The following UMODL1 variants were observed in gnomAD, a reference collection of about 807,000 sequenced individuals.
UMODL1 encodes the protein uromodulin-like 1.
Under a neutral mutation model 136.3 loss-of-function variants are expected in UMODL1, and 128 were observed. That is an observed-to-expected ratio of 0.94 (90% CI 0.81 to 1.09). UMODL1 has a LOEUF of 1.09. Ranked by LOEUF, UMODL1 falls within the 50% of genes least tolerant of loss-of-function variation. UMODL1 has a pLI of 0.00. For synonymous variants in UMODL1, 721 were observed against 720.0 expected (o/e 1.00, Z -0.02); for missense variants, 1,766 against 1,725.6 (o/e 1.02, Z -0.41).
intron 18 of UMODL1, 132 bp downstream of exon 18, chr21:42,126,622 C>A: frequency 1.4e-6 from 2 of 1,398,068 alleles, no homozygotes; most frequent in Non-Finnish European, 1.9e-6. Context: ...TGTGGCCTGG[C>A]TGCTCCCCAA....
intron 21 of UMODL1, among the ~76,000 whole-genome samples, chr21:42,135,130 C>T (rs892461971): frequency 6.6e-6 from 1 of 152,228 alleles, no homozygotes; most frequent in Admixed American, 6.5e-5. Context: ...ATTTAAATTT[C>T]CCCCGCATCG....
chr21:42,116,353 GA>G (rs780549709), intron 14 of UMODL1, among the ~76,000 whole-genome samples: 6,973 of 140,710 alleles, frequency 0.05, 160 homozygotes, highest in Middle Eastern at 0.057. Flanking sequence ...AACCCTGTGG[GA>G]AAAAAAAAAA....
rs370412237 is a variant in UMODL1 at position 42,084,219 on chromosome 21, G to A, written c.455G>A (p.Arg152His). 1.4e-3 allele frequency: 2,198 copies of A among 1,613,554 alleles called. 51 individuals are homozygous for A. The South Asian group carries it at 0.022, about 16-fold the overall frequency. ...LEKCCPWSGG[R>H]YCMAPAPQAP... ...AAGTGCTGCCCCTGGTCAGGGGGGC[G>A]CTACTGCATGGCCCCTGCACCCCAA... Residue 152 changes from arginine to histidine, a missense_variant, in exon 3 of 23, where the codon CGC becomes CAC. By Grantham distance (29) the Arg-to-His change is conservative. Coordinates refer to ENST00000408910, the MANE Select transcript of UMODL1 (RefSeq NM_001004416.3).
chr21:42,124,949 C>T (rs2067032605), intron 17 of UMODL1, among the ~76,000 whole-genome samples: 1 of 152,110 alleles, frequency 6.6e-6, no homozygotes, highest in Non-Finnish European at 1.5e-5. Flanking sequence ...CGGCAGGGTC[C>T]ATGGGAGTTC....
chr21:42,075,121 A>G (rs1448785315), intron 1 of UMODL1, among the ~76,000 whole-genome samples: 3 of 151,902 alleles, frequency 2.0e-5, no homozygotes, highest in Non-Finnish European at 2.9e-5. Flanking sequence ...GGTGGTCTCG[A>G]TCTCCTGACC....
upstream of UMODL1, among the ~76,000 whole-genome samples, chr21:42,069,729 T>C (rs551660241): frequency 2.6e-4 from 39 of 152,220 alleles, no homozygotes; most frequent in Non-Finnish European, 4.7e-4. Context: ...TGATATTTTA[T>C]AGACATTCAT....
chr21:42,088,727 C>T (rs567745760), intron 5 of UMODL1, among the ~76,000 whole-genome samples: 3 of 151,830 alleles, frequency 2.0e-5, no homozygotes, highest in East Asian at 1.9e-4. Flanking sequence ...CCATTTCCCG[C>T]CCCTCTCCTC....
intron 10 of UMODL1, 142 bp downstream of exon 10, chr21:42,109,841 T>G (rs193282723): frequency 7.9e-4 from 739 of 933,412 alleles, no homozygotes; most frequent in Middle Eastern, 3.8e-3. Context: ...TCATTTCAAT[T>G]TATTTTAAAA....
rs372467859 is a variant in UMODL1 at position 42,110,980 on chromosome 21, C to T, written c.1758C>T (p.Phe586=). 5.9e-5 allele frequency: 95 copies of T among 1,613,030 alleles called. No individual in the cohort carries two copies. The African/African-American group carries it at 1.1e-3, about 19-fold the overall frequency. The change falls in exon 11 of 23, where the codon TTC becomes TTT. Residue 586 remains phenylalanine, a synonymous_variant. Transcript: ENST00000408910. ...CAGCAGCCCTCGGCCTAGAGAACTTCACCTTGTCACCCAGTCCTGGGTACC... is the reference window on the plus strand; with the variant it reads ...CAGCAGCCCTCGGCCTAGAGAACTTTACCTTGTCACCCAGTCCTGGGTACC... ...TGTAALGLEN[F]TLSPSPGYPQ...
chr21:42,126,406 TCCA>T lies in UMODL1; in HGVS notation c.3215_3217del (p.His1072del). 1 of 1,614,164 alleles carries T rather than the reference TCCA, an allele frequency of 6.2e-7. No homozygotes were observed. The highest frequency in any genetic ancestry group is 1.3e-5 in the African/African-American group (1 of 75,048). On this transcript the variant is annotated inframe_deletion, in exon 18 of 23. Coordinates refer to ENST00000408910, the MANE Select transcript of UMODL1 (RefSeq NM_001004416.3). ...AACGACCTGTCCCAGGAGGGCATCA[TCCA>T]CCACCTGAAGATCCTGAGCCCCATC... is the stretch of plus-strand genomic sequence containing the variant.
At position 42,127,618 on chromosome 21, in the gene UMODL1, CA is replaced by C. The variant is rs2123367830; in HGVS notation, c.3531-52del. 3 of 1,557,284 alleles carry C rather than the reference CA, an allele frequency of 1.9e-6. No homozygotes were observed. The Admixed American group carries it at 5.9e-5, about 30-fold the overall frequency. ...AGTCGTGAGTAAACTCATCTGAGAA[CA>C]AGGACAGCGGGGCTCGCTGACAAGC... On this transcript the variant is annotated intron_variant, in intron 19 of 22. Coordinates refer to ENST00000408910, the MANE Select transcript of UMODL1 (RefSeq NM_001004416.3).
At chr21:42,129,168 C>A (rs1242915576) in intron 20 of UMODL1, among the ~76,000 whole-genome samples, 1 of 152,142 alleles carries the variant, frequency 6.6e-6, no homozygotes, top group Admixed American at 6.5e-5. Flanking sequence ...ACCCTGATGA[C>A]CTCAGCTTGA....
At position 42,129,717 on chromosome 21, in the gene UMODL1, G is replaced by A. The variant is rs1434510053; in HGVS notation, c.3695G>A (p.Cys1232Tyr). 1.3e-6 allele frequency: 2 copies of A among 1,572,060 alleles called. No homozygotes were observed. The highest frequency in any genetic ancestry group is 1.2e-5 in the South Asian group (1 of 82,294). Residue 1232 changes from cysteine (C) to tyrosine (Y), a missense_variant, in exon 21 of 23, where the codon TGC becomes TAC. By Grantham distance (194) the Cys-to-Tyr change is radical. Transcript: ENST00000408910. The stretch of plus-strand genomic sequence containing the variant: ...TTCTTGGAAAAAAAAAAACAGAATT[G>A]CAATAACTTTCGGTTGCTGCAAAAT... The part of the protein sequence containing the change: ...ESPGATCKIN[C>Y]NNFRLLQNSE...
At chr21:42,067,061 G>A (rs907755643), upstream of UMODL1, among the ~76,000 whole-genome samples, 3 of 149,402 alleles carry the variant, frequency 2.0e-5, no homozygotes, top group African/African-American at 7.4e-5. Context: ...TGCAACCTCC[G>A]CCTCCTGGGT....
chr21:42,126,593 G>T, intron 18 of UMODL1, 103 bp downstream of exon 18: 1 of 1,539,094 alleles, frequency 6.5e-7, no homozygotes. Flanking sequence ...CCTTCCTTGA[G>T]ATGGAATATA....
rs534192435 is a variant in UMODL1, at chr21:42,093,050, G to T, written c.931+2612G>T. ...CCCTCGGGGGCTGCCTTTTGTCCCA[G>T]TGCACTCAGGAAAACCGCCATGCCC... is the stretch of plus-strand genomic sequence containing the variant. On this transcript the variant is annotated intron_variant, in intron 6 of 22. Coordinates refer to ENST00000408910, the MANE Select transcript of UMODL1 (RefSeq NM_001004416.3). 2.0e-5 allele frequency among the ~76,000 whole-genome samples: 3 copies of T among 152,302 alleles called. No homozygotes were observed. The South Asian group carries it at 6.2e-4, about 32-fold the overall frequency.
At chr21:42,126,887 T>C (rs560737206) in intron 18 of UMODL1, 119 bp from the exon 19 acceptor site, 214 of 864,716 alleles carry the variant, frequency 2.5e-4, no homozygotes, top group Admixed American at 1.1e-3. Context: ...GTTGAGGGGG[T>C]CTTCTCGTTC....
In UMODL1 at chr21:42,115,980, AG is replaced by A. The variant is rs935448076; in HGVS notation, c.2472del (p.Met825TrpfsTer38). ...TCGAGATTTCCTAGAACTATTCTTC[AG>A]GATGGTGAGTTGGTGATATCAGCCC... ...EYRDFLELFF[R>X]MVRGSLPATM... On this transcript the variant is annotated frameshift_variant, in exon 14 of 23. Transcript: ENST00000408910. LOFTEE classifies it high-confidence loss of function. 1 of 1,612,048 alleles carries A rather than the reference AG, an allele frequency of 6.2e-7. No homozygotes were observed. The highest frequency in any genetic ancestry group is 1.3e-5 in the African/African-American group (1 of 74,902).
chr21:42,090,518 C>T (rs1269371422), intron 6 of UMODL1, 80 bp downstream of exon 6: 3 of 1,528,574 alleles, frequency 2.0e-6, no homozygotes, highest in Non-Finnish European at 2.7e-6. Context: ...GCAGTGCTTA[C>T]AGCTGCAGCA....
Sources: allele counts gnomAD v4.1 joint callset (sites outside exome capture counted in the v4.1 genomes callset), GRCh38; gene constraint gnomAD v4.1.1; transcripts MANE v1.5; gene names NCBI Gene and HGNC (gene_info 2026-07-23, HGNC 2026-07-21).